NALF1: variants seen among roughly 807,000 people sequenced by gnomAD.
NALF1 encodes family with sequence similarity 155 member A.
A neutral mutation model predicts 48.4 loss-of-function variants in NALF1; 3 were observed. The observed-to-expected ratio is 0.06, with a 90% confidence interval of 0.03 to 0.16. The LOEUF (loss-of-function observed/expected upper bound fraction) is 0.16, where lower values mean the gene tolerates loss of function less well. Among genes scored for constraint, NALF1 ranks in the 10% least tolerant of loss-of-function variants. The probability of loss-of-function intolerance (pLI) is 1.00; values close to 1 mark genes in which losing one functional copy is unlikely to be tolerated. For synonymous variants in NALF1, 262 were observed against 245.7 expected (o/e 1.07, Z -0.62); for missense variants, 526 against 571.5 (o/e 0.92, Z 0.81).
At chr13:107,761,324 C>A (rs994231009) in intron 1 of NALF1, among the ~76,000 whole-genome samples, 5 of 151,348 alleles carry the variant, frequency 3.3e-5, no homozygotes, top group Non-Finnish European at 5.9e-5. Flanking sequence ...GCCACTGCAC[C>A]CCAGCCTGAG....
chr13:107,754,550 G>T (rs772859034), intron 1 of NALF1, among the ~76,000 whole-genome samples: 13 of 149,418 alleles, frequency 8.7e-5, no homozygotes, highest in East Asian at 1.9e-4. Flanking sequence ...TCACTAGATG[G>T]TTTTTTTTTT....
intron 1 of NALF1, among the ~76,000 whole-genome samples, chr13:107,634,166 A>G (rs954521748): frequency 1.3e-5 from 2 of 152,120 alleles, no homozygotes; most frequent in South Asian, 2.1e-4. Context: ...TTCACCAGAA[A>G]AAATGTATTT....
chr13:107,507,747 G>A (rs990638155), intron 1 of NALF1, among the ~76,000 whole-genome samples: 1 of 151,924 alleles, frequency 6.6e-6, no homozygotes, highest in African/African-American at 2.4e-5. Context: ...ACAATAGCCT[G>A]CTATATTTAT....
chr13:107,832,357 A>G (rs1879761964), intron 1 of NALF1, among the ~76,000 whole-genome samples: 1 of 152,078 alleles, frequency 6.6e-6, no homozygotes, highest in Admixed American at 6.6e-5. Context: ...TCTTATGTAA[A>G]TATTTTGTAT....
chr13:107,287,706 C>CTT (rs59607599), intron 1 of NALF1, among the ~76,000 whole-genome samples: 36,505 of 127,602 alleles, frequency 0.29, 6,578 homozygotes, highest in South Asian at 0.5. Context: ...TCTTTTCTTT[C>CTT]TTTTTTTTTT....
chr13:107,269,250 AG>A (rs1491536040), intron 1 of NALF1, among the ~76,000 whole-genome samples: 1 of 152,124 alleles, frequency 6.6e-6, no homozygotes, highest in Non-Finnish European at 1.5e-5. Context: ...AGCAATAGTC[AG>A]GGGGGTTCAC....
chr13:107,521,602 C>T (rs1876240100), intron 1 of NALF1, among the ~76,000 whole-genome samples: 1 of 152,056 alleles, frequency 6.6e-6, no homozygotes, highest in African/African-American at 2.4e-5. Context: ...TTAGTAGCTT[C>T]ACTATTAATA....
intron 1 of NALF1, among the ~76,000 whole-genome samples, chr13:107,479,433 A>C (rs756831395): frequency 1.3e-5 from 2 of 152,126 alleles, no homozygotes; most frequent in African/African-American, 2.4e-5. Context: ...TTTCTGTTAC[A>C]TATCTATCAA....
chr13:107,688,250 A>C (rs1384696385), intron 1 of NALF1, among the ~76,000 whole-genome samples: 2 of 152,146 alleles, frequency 1.3e-5, no homozygotes, highest in Non-Finnish European at 2.9e-5. Context: ...AAGGCTAGAG[A>C]GATATTACAT....
At chr13:107,600,352 G>T (rs1878887101) in intron 1 of NALF1, among the ~76,000 whole-genome samples, 1 of 152,096 alleles carries the variant, frequency 6.6e-6, no homozygotes, top group African/African-American at 2.4e-5. Flanking sequence ...ATATTTTAGA[G>T]TTAGAATGAC....
chr13:107,776,234 A>C (rs182929615), intron 1 of NALF1, among the ~76,000 whole-genome samples: 21 of 152,362 alleles, frequency 1.4e-4, no homozygotes, highest in Admixed American at 3.9e-4. Flanking sequence ...CTATGGAGTC[A>C]GACAGGCTAG....
intron 1 of NALF1, among the ~76,000 whole-genome samples, chr13:107,348,571 G>A (rs1041012829): frequency 1.3e-5 from 2 of 151,958 alleles, no homozygotes; most frequent in South Asian, 2.1e-4. Context: ...TTAGGTTTTT[G>A]TCCGAATGCT....
intron 1 of NALF1, among the ~76,000 whole-genome samples, chr13:107,651,547 C>T (rs1379084824): frequency 6.6e-6 from 1 of 152,168 alleles, no homozygotes; most frequent in Non-Finnish European, 1.5e-5. Context: ...AAAACCTCTA[C>T]TGATACATGT....
chr13:107,309,255 C>A (rs1037913428), intron 1 of NALF1, among the ~76,000 whole-genome samples: 23 of 152,218 alleles, frequency 1.5e-4, no homozygotes, highest in African/African-American at 4.6e-4. Context: ...TCTCTGTACA[C>A]AGAAGAGGTT....
intron 1 of NALF1, among the ~76,000 whole-genome samples, chr13:107,554,893 AAGG>A (rs1877412057): frequency 1.3e-5 from 2 of 152,056 alleles, no homozygotes; most frequent in African/African-American, 4.8e-5. Flanking sequence ...CAGAGTACGG[AAGG>A]AGGAGTGTAG....
intron 1 of NALF1, among the ~76,000 whole-genome samples, chr13:107,227,402 C>T (rs899720263): frequency 7.2e-5 from 11 of 152,228 alleles, no homozygotes; most frequent in African/African-American, 2.4e-4. Flanking sequence ...GTGTGCACAA[C>T]TCCTTCTTTA....
intron 1 of NALF1, among the ~76,000 whole-genome samples, chr13:107,244,844 T>A (rs1306770981): frequency 6.6e-6 from 1 of 152,188 alleles, no homozygotes; most frequent in African/African-American, 2.4e-5. Context: ...GCCTACTAAT[T>A]TTTTTAGCTT....
At chr13:107,613,138 T>C (rs181210501) in intron 1 of NALF1, among the ~76,000 whole-genome samples, 13 of 152,318 alleles carry the variant, frequency 8.5e-5, no homozygotes, top group Admixed American at 1.3e-4. Context: ...GATTCCAAAC[T>C]TGCAGTTATG....
intron 1 of NALF1, among the ~76,000 whole-genome samples, chr13:107,542,668 A>C (rs1467937686): frequency 1.3e-5 from 2 of 152,104 alleles, no homozygotes; most frequent in Non-Finnish European, 2.9e-5. Flanking sequence ...CCATCAATAA[A>C]CCATGTCAAT....
Sources: allele counts gnomAD v4.1 joint callset (sites outside exome capture counted in the v4.1 genomes callset), GRCh38; gene constraint gnomAD v4.1.1; transcripts MANE v1.5; gene names NCBI Gene and HGNC (gene_info 2026-07-23, HGNC 2026-07-21).